Variants in NUBPL observed in about 807,000 individuals in gnomAD.
NUBPL encodes NUBP iron-sulfur cluster assembly factor, mitochondrial, also known as iron-sulfur cluster transfer protein NUBPL.
Under a neutral mutation model 45.7 loss-of-function variants are expected in NUBPL, and 31 were observed. That is an observed-to-expected ratio of 0.68 (90% CI 0.51 to 0.92). NUBPL has a LOEUF of 0.92. Ranked by LOEUF, NUBPL falls within the 40% of genes least tolerant of loss-of-function variation. The pLI is 0.00. For missense variants in NUBPL, 401 were observed against 398.7 expected, an observed-to-expected ratio of 1.01 and a Z score of -0.05; for synonymous variants, 144 against 140.9, an observed-to-expected ratio of 1.02 and a Z score of -0.15.
intron 6 of NUBPL, among the ~76,000 whole-genome samples, chr14:31,715,390 A>T (rs2037664778): frequency 1.3e-5 from 2 of 152,330 alleles, no homozygotes; most frequent in South Asian, 4.1e-4. Flanking sequence ...TTTCTGAGAA[A>T]TTTGTCCATA....
intron 8 of NUBPL, 93 bp downstream of exon 8, chr14:31,826,807 C>T (rs1333853825): frequency 2.4e-6 from 3 of 1,231,768 alleles, no homozygotes; most frequent in Non-Finnish European, 3.6e-6. Flanking sequence ...TTAATTTAGT[C>T]CTGTACAGAA....
chr14:31,786,593 T>C (rs1305994146), intron 6 of NUBPL, among the ~76,000 whole-genome samples: 1 of 152,244 alleles, frequency 6.6e-6, no homozygotes, highest in Admixed American at 6.5e-5. Flanking sequence ...GCAGGAATCA[T>C]GATACCATTT....
chr14:31,686,067 T>C (rs953138884), intron 6 of NUBPL, among the ~76,000 whole-genome samples: 2 of 151,956 alleles, frequency 1.3e-5, no homozygotes, highest in African/African-American at 4.8e-5. Context: ...AAAAGAGAGA[T>C]GAGGAGATGA....
intron 6 of NUBPL, among the ~76,000 whole-genome samples, chr14:31,727,092 C>T (rs1269556908): frequency 6.6e-6 from 1 of 152,008 alleles, no homozygotes; most frequent in Non-Finnish European, 1.5e-5. Flanking sequence ...ATAGATGAAT[C>T]CAATATTTTC....
chr14:31,799,216 G>A lies in NUBPL; in HGVS notation c.607+11343G>A, dbSNP rs557880636. 5.9e-5 allele frequency among the ~76,000 whole-genome samples: 9 copies of A among 152,144 alleles called. 1 individual carries two copies. In the South Asian group the frequency reaches 1.9e-3, roughly 32 times the overall value. On this transcript the variant is annotated intron_variant, in intron 7 of 10. Transcript: ENST00000281081. Reference sequence around the variant, plus strand: ...GAATTTTGATATTAGCTAGATACAAGATACAACCACCCCCACACACACAAA... The same window carrying A: ...GAATTTTGATATTAGCTAGATACAAAATACAACCACCCCCACACACACAAA...
At chr14:31,725,044 T>G (rs146820207) in intron 6 of NUBPL, among the ~76,000 whole-genome samples, 68 of 151,996 alleles carry the variant, frequency 4.5e-4, no homozygotes, top group Non-Finnish European at 7.9e-4. Context: ...AGTAAAGATT[T>G]TGAACTTTAT....
At chr14:31,585,040 A>G (rs1288153437) in intron 3 of NUBPL, among the ~76,000 whole-genome samples, 1 of 152,178 alleles carries the variant, frequency 6.6e-6, no homozygotes, top group African/African-American at 2.4e-5. Context: ...TTTAGGGGAC[A>G]CAGATATTCA....
intron 7 of NUBPL, among the ~76,000 whole-genome samples, chr14:31,803,766 C>A (rs139445604): frequency 0.012 from 1,838 of 152,248 alleles, 21 homozygotes; most frequent in Admixed American, 0.029. Context: ...CAAATTGTAA[C>A]CAACTACTAG....
At chr14:31,618,184 G>T (rs1024477182) in intron 4 of NUBPL, among the ~76,000 whole-genome samples, 1 of 151,804 alleles carries the variant, frequency 6.6e-6, no homozygotes. Context: ...TATTAGTCTG[G>T]CTAGCAGTCT....
intron 3 of NUBPL, 167 bp from the exon 4 acceptor site, chr14:31,599,122 C>A: frequency 1.5e-6 from 1 of 659,162 alleles, no homozygotes; most frequent in Non-Finnish European, 2.7e-6. Context: ...TGCTCTTTTA[C>A]TTAACTGTTG....
chr14:31,631,022 C>T (rs554818111), intron 4 of NUBPL, among the ~76,000 whole-genome samples: 1 of 152,202 alleles, frequency 6.6e-6, no homozygotes, highest in South Asian at 2.1e-4. Context: ...ATTTTCTTTT[C>T]TCAACTCACC....
rs1382261624 is a variant in NUBPL, at chr14:31,769,907, G to GA, written c.514-17872dup. 9.2e-5 allele frequency among the ~76,000 whole-genome samples: 14 copies of GA among 152,162 alleles called. No homozygotes were observed. In the East Asian group the frequency reaches 2.7e-3, roughly 29 times the overall value. ...TCCTGTGGTCACACAGCTAGTTTGT[G>GA]ACAAGAATGATTAGAATTTAGGTAT... On this transcript the variant is annotated intron_variant, in intron 6 of 10. Transcript: ENST00000281081.
chr14:31,767,475 A>C (rs1376205323), intron 6 of NUBPL, among the ~76,000 whole-genome samples: 1 of 152,004 alleles, frequency 6.6e-6, no homozygotes, highest in Non-Finnish European at 1.5e-5. Flanking sequence ...AGCCTCCCAA[A>C]GTGCTGGGAT....
chr14:31,631,326 C>CT (rs1250904707), intron 4 of NUBPL, among the ~76,000 whole-genome samples: 9 of 151,862 alleles, frequency 5.9e-5, no homozygotes, highest in Non-Finnish European at 8.8e-5. Context: ...ATAGCTGTTA[C>CT]TTTTTTTTCC....
intron 6 of NUBPL, among the ~76,000 whole-genome samples, chr14:31,784,386 A>T (rs1252443566): frequency 6.6e-6 from 1 of 152,206 alleles, no homozygotes; most frequent in African/African-American, 2.4e-5. Context: ...AGAAAGGTTA[A>T]GAGGGAAGTT....
At chr14:31,578,925 AG>A (rs2033790534) in intron 3 of NUBPL, among the ~76,000 whole-genome samples, 1 of 152,234 alleles carries the variant, frequency 6.6e-6, no homozygotes, top group South Asian at 2.1e-4. Context: ...ATAACAAGCT[AG>A]GATTTTCTCA....
intron 7 of NUBPL, among the ~76,000 whole-genome samples, chr14:31,800,265 C>T (rs2039561656): frequency 6.6e-6 from 1 of 152,208 alleles, no homozygotes; most frequent in Admixed American, 6.5e-5. Context: ...TTCTTCCAAA[C>T]TCCTGTTCAT....
chr14:31,763,453 A>G (rs573595752), intron 6 of NUBPL, among the ~76,000 whole-genome samples: 6 of 152,294 alleles, frequency 3.9e-5, no homozygotes, highest in South Asian at 2.1e-4. Context: ...AGTTTTATCA[A>G]TGTAGGTCTT....
intron 6 of NUBPL, among the ~76,000 whole-genome samples, chr14:31,739,404 A>T (rs10137974): frequency 0.16 from 24,030 of 151,480 alleles, 5,428 homozygotes; most frequent in African/African-American, 0.5. Context: ...GTTTTTGAAA[A>T]TATGTTGGTC....
Sources: allele counts gnomAD v4.1 joint callset (sites outside exome capture counted in the v4.1 genomes callset), GRCh38; gene constraint gnomAD v4.1.1; transcripts MANE v1.5; gene names NCBI Gene and HGNC (gene_info 2026-07-23, HGNC 2026-07-21).